Variants in KCNIP4 observed in about 807,000 individuals in gnomAD.
KCNIP4 encodes potassium voltage-gated channel interacting protein 4.
In KCNIP4, 12 loss-of-function variants were observed where a neutral mutation model predicts 34.0. That is an observed-to-expected ratio of 0.35 (90% confidence interval 0.23 to 0.57). The LOEUF is 0.57. Ranked by LOEUF, KCNIP4 falls within the 20% of genes least tolerant of loss-of-function variation. The probability of loss-of-function intolerance (pLI) is 0.83; values close to 1 mark genes in which losing one functional copy is unlikely to be tolerated. For synonymous variants in KCNIP4, 124 were observed against 102.2 expected, an observed-to-expected ratio of 1.21 and a Z score of -1.29; for missense variants, 238 against 311.7, an observed-to-expected ratio of 0.76 and a Z score of 1.78.
Position 20,963,166 on chromosome 4 carries a change from C to CAA in KCNIP4, c.62-80459_62-80458dup, listed in dbSNP as rs150883051. 4.1e-3 allele frequency among the ~76,000 whole-genome samples: 591 copies of CAA among 142,494 alleles called. 6 individuals are homozygous for CAA. Among genetic ancestry groups the CAA allele is most frequent in the African/African-American group, 0.014 (561 of 39,060 alleles). 93.5% of individuals were successfully genotyped at this position (142,494 alleles called of 152,430 possible). ...TGAAACCCTGTCTTTACTAAAAATACAAAAAAAAAAATGAGCTGGGCATGG... is the reference window on the plus strand; with the variant it reads ...TGAAACCCTGTCTTTACTAAAAATACAAAAAAAAAAAAATGAGCTGGGCATGG... On this transcript the variant is annotated intron_variant, in intron 1 of 8. Transcript: ENST00000382152.
intron 1 of KCNIP4, among the ~76,000 whole-genome samples, chr4:21,135,041 C>A (rs543001683): frequency 6.6e-6 from 1 of 152,176 alleles, no homozygotes; most frequent in South Asian, 2.1e-4. Flanking sequence ...TTCTCACATA[C>A]GGATTCAGGT....
intron 1 of KCNIP4, among the ~76,000 whole-genome samples, chr4:21,904,395 C>G (rs1432209998): frequency 6.6e-6 from 1 of 152,140 alleles, no homozygotes; most frequent in Non-Finnish European, 1.5e-5. Flanking sequence ...CCCACAGGAA[C>G]CACTTACAGT....
chr4:20,876,061 A>G (rs1723987984), intron 2 of KCNIP4, among the ~76,000 whole-genome samples: 1 of 152,190 alleles, frequency 6.6e-6, no homozygotes, highest in Admixed American at 6.6e-5. Context: ...TAAAAAACAA[A>G]AACCCCTGGA....
chr4:21,102,980 C>A (rs1748079607), intron 1 of KCNIP4, among the ~76,000 whole-genome samples: 1 of 152,076 alleles, frequency 6.6e-6, no homozygotes, highest in Non-Finnish European at 1.5e-5. Context: ...GAAAATAGTT[C>A]ATTTCCCCTC....
At chr4:21,132,632 G>A (rs905036968) in intron 1 of KCNIP4, among the ~76,000 whole-genome samples, 11 of 152,160 alleles carry the variant, frequency 7.2e-5, no homozygotes, top group African/African-American at 2.7e-4. Context: ...ACTAGATTCA[G>A]CAGACCACTG....
intron 1 of KCNIP4, among the ~76,000 whole-genome samples, chr4:21,112,028 T>TCCATCTATCTATCTATCTAC (rs1560732740): frequency 0.018 from 1,532 of 83,800 alleles, 29 homozygotes; most frequent in African/African-American, 0.05. Flanking sequence ...TTTCTCTGTA[T>TCCATCTATCTATCTATCTAC]CTATCTATCT....
chr4:21,327,620 T>C (rs1365841115), intron 1 of KCNIP4, among the ~76,000 whole-genome samples: 2 of 152,156 alleles, frequency 1.3e-5, no homozygotes, highest in Non-Finnish European at 2.9e-5. Context: ...ATTATCCATT[T>C]GAATCAAATT....
chr4:20,953,142 G>T (rs1261052593), intron 1 of KCNIP4, among the ~76,000 whole-genome samples: 1 of 152,216 alleles, frequency 6.6e-6, no homozygotes, highest in East Asian at 1.9e-4. Context: ...TAATGAGTCT[G>T]CATTTGAATC....
chr4:21,508,304 C>T (rs1476950407), intron 1 of KCNIP4, among the ~76,000 whole-genome samples: 1 of 152,170 alleles, frequency 6.6e-6, no homozygotes, highest in East Asian at 1.9e-4. Context: ...ATGCCTCTAT[C>T]TTCAGTTACT....
chr4:21,659,842 G>A (rs1240318509), intron 1 of KCNIP4, among the ~76,000 whole-genome samples: 3 of 152,072 alleles, frequency 2.0e-5, no homozygotes, highest in Non-Finnish European at 4.4e-5. Context: ...TTGTAAAGTG[G>A]TTATAGTAGA....
intron 3 of KCNIP4, among the ~76,000 whole-genome samples, chr4:20,765,931 T>C (rs1346660715): frequency 6.6e-6 from 1 of 152,162 alleles, no homozygotes; most frequent in African/African-American, 2.4e-5. Flanking sequence ...AGATATGCAA[T>C]GAATACTATG....
chr4:21,765,939 T>C (rs1488661428), intron 1 of KCNIP4, among the ~76,000 whole-genome samples: 1 of 151,062 alleles, frequency 6.6e-6, no homozygotes, highest in African/African-American at 2.4e-5. Flanking sequence ...TACAGTAAAC[T>C]AAGCGGCCAT....
At chr4:21,453,124 A>G (rs1419735636) in intron 1 of KCNIP4, among the ~76,000 whole-genome samples, 1 of 152,068 alleles carries the variant, frequency 6.6e-6, no homozygotes, top group Non-Finnish European at 1.5e-5. Context: ...TTTGTTTCAC[A>G]GGAATGTGTG....
chr4:21,413,685 C>A (rs1560381376), intron 1 of KCNIP4, among the ~76,000 whole-genome samples: 1 of 152,210 alleles, frequency 6.6e-6, no homozygotes, highest in Non-Finnish European at 1.5e-5. Context: ...GAGTGTTACA[C>A]ATTGCCCAGT....
At chr4:21,316,683 A>T (rs375725726) in intron 1 of KCNIP4, among the ~76,000 whole-genome samples, 10 of 152,222 alleles carry the variant, frequency 6.6e-5, no homozygotes, top group African/African-American at 2.2e-4. Flanking sequence ...AAGCTTAACC[A>T]GCAAAATAGC....
intron 1 of KCNIP4, among the ~76,000 whole-genome samples, chr4:20,963,900 T>A (rs138337754): frequency 7.0e-4 from 106 of 151,764 alleles, no homozygotes; most frequent in African/African-American, 2.1e-3. Flanking sequence ...CAAGGTAAAA[T>A]ATATATATAA....
At chr4:21,080,158 C>T (rs768502779) in intron 1 of KCNIP4, among the ~76,000 whole-genome samples, 1 of 151,910 alleles carries the variant, frequency 6.6e-6, no homozygotes, top group Admixed American at 6.6e-5. Context: ...CCAGCCTGGC[C>T]AGAGATAAAT....
intron 2 of KCNIP4, among the ~76,000 whole-genome samples, chr4:20,879,940 G>C (rs1336810760): frequency 6.6e-6 from 1 of 152,116 alleles, no homozygotes; most frequent in Non-Finnish European, 1.5e-5. Flanking sequence ...TTTATATTGA[G>C]AGTGGGAGGT....
At chr4:21,720,007 A>G (rs866359171) in intron 1 of KCNIP4, among the ~76,000 whole-genome samples, 1 of 128,362 alleles carries the variant, frequency 7.8e-6, no homozygotes, top group African/African-American at 3.4e-5. Flanking sequence ...AAAGAAAAAG[A>G]AGAAGAAGAA....
Sources: allele counts gnomAD v4.1 joint callset (sites outside exome capture counted in the v4.1 genomes callset), GRCh38; gene constraint gnomAD v4.1.1; transcripts MANE v1.5; gene names NCBI Gene and HGNC (gene_info 2026-07-23, HGNC 2026-07-21).